Variants in CEP162 observed in about 807,000 individuals in gnomAD.
CEP162 encodes the protein centrosomal protein of 162 kDa.
CEP162 carries 141 observed loss-of-function variants against 169.2 expected under a neutral mutation model. That is an observed-to-expected ratio of 0.83 (90% CI 0.73 to 0.96). The LOEUF (loss-of-function observed/expected upper bound fraction) is 0.96, where lower values mean the gene tolerates loss of function less well. Among genes scored for constraint, CEP162 ranks in the 40% least tolerant of loss-of-function variants. CEP162 has a pLI of 0.00. For missense variants in CEP162, 1,600 were observed against 1,587.2 expected, an observed-to-expected ratio of 1.01 and a Z score of -0.14; for synonymous variants, 540 against 526.4, an observed-to-expected ratio of 1.03 and a Z score of -0.35.
intron 25 of CEP162, among the ~76,000 whole-genome samples, chr6:84,137,887 C>T (rs2099514833): frequency 6.6e-6 from 1 of 152,096 alleles, no homozygotes; most frequent in Admixed American, 6.5e-5. Flanking sequence ...GGTGCTGGAT[C>T]CTTAATAAGA....
intron 21 of CEP162, among the ~76,000 whole-genome samples, chr6:84,160,355 A>G (rs2099525266): frequency 6.6e-6 from 1 of 152,190 alleles, no homozygotes; most frequent in Admixed American, 6.5e-5. Context: ...ATGGTAAGAA[A>G]GAGCTCAAGA....
At chr6:84,132,749 C>CT (rs2099512153) in intron 25 of CEP162, among the ~76,000 whole-genome samples, 1 of 152,118 alleles carries the variant, frequency 6.6e-6, no homozygotes, top group African/African-American at 2.4e-5. Context: ...TTCGTCTACT[C>CT]TTTTTTCAAG....
Position 84,193,595 on chromosome 6 carries a change from T to A in CEP162, c.1109+14A>T. On this transcript the variant is annotated intron_variant, in intron 11 of 26. Coordinates refer to ENST00000403245, the MANE Select transcript of CEP162 (RefSeq NM_014895.4). ...AAGTTTCCAATGACAAAACAATAAA[T>A]AAAAAATTCATACCTGACAGGTTGT... The A allele has an allele frequency of 6.7e-7, 1 of 1,494,084 alleles. No homozygotes were observed. Among genetic ancestry groups the A allele is most frequent in the Non-Finnish European group, 9.1e-7 (1 of 1,101,614 alleles). 92.6% of individuals were successfully genotyped at this position (1,494,084 alleles called of 1,614,324 possible).
chr6:84,206,012 G>C (rs1363659390), intron 6 of CEP162, among the ~76,000 whole-genome samples: 2 of 148,538 alleles, frequency 1.3e-5, no homozygotes, highest in African/African-American at 2.6e-5. Context: ...CAACTTACAA[G>C]GGATGTGAAG....
chr6:84,178,960 T>G (rs541948035), intron 13 of CEP162, among the ~76,000 whole-genome samples: 27 of 152,326 alleles, frequency 1.8e-4, no homozygotes, highest in African/African-American at 6.3e-4. Context: ...GGTTTCCAGC[T>G]GCATCCATGT....
At chr6:84,179,979 C>T (rs533337411) in intron 13 of CEP162, among the ~76,000 whole-genome samples, 58 of 152,228 alleles carry the variant, frequency 3.8e-4, no homozygotes, top group African/African-American at 1.3e-3. Context: ...AGGGAATCTT[C>T]CCTAACTCAT....
At chr6:84,212,765 GA>G (rs950076996) in intron 6 of CEP162, among the ~76,000 whole-genome samples, 191 bp downstream of exon 6, 5 of 151,994 alleles carry the variant, frequency 3.3e-5, no homozygotes, top group Non-Finnish European at 5.9e-5. Flanking sequence ...TGCAGTCTAT[GA>G]AAAAAACCTT....
At chr6:84,174,215 AT>A in intron 15 of CEP162, 27 bp from the exon 16 acceptor site, 1 of 1,580,116 alleles carries the variant, frequency 6.3e-7, no homozygotes, top group Non-Finnish European at 8.6e-7. Flanking sequence ...AAATTGTTTT[AT>A]TTGGGGAAGG....
chr6:84,156,423 A>C (rs1355045364), intron 21 of CEP162, among the ~76,000 whole-genome samples: 2 of 152,202 alleles, frequency 1.3e-5, no homozygotes, highest in Non-Finnish European at 2.9e-5. Flanking sequence ...ACACGAACAC[A>C]CATTTTTCAA....
rs115475028 is a variant in CEP162, at chr6:84,165,050, A to G, written c.2386-1780T>C. Among the ~76,000 whole-genome samples, 1,436 of 151,432 alleles carry G rather than the reference A, an allele frequency of 9.5e-3. 25 individuals are homozygous for G. The highest frequency in any genetic ancestry group is 0.033 in the African/African-American group (1,347 of 41,228). ...TCCTTGCTGTGTTTTGAACACTCCT[A>G]CCTCAAGGGGTCTGCACTGTCTCTT... On this transcript the variant is annotated intron_variant, in intron 18 of 26. Coordinates refer to ENST00000403245, the MANE Select transcript of CEP162 (RefSeq NM_014895.4).
At chr6:84,227,071 G>A (rs2099556029) in intron 1 of CEP162, among the ~76,000 whole-genome samples, 1 of 152,118 alleles carries the variant, frequency 6.6e-6, no homozygotes, top group Admixed American at 6.5e-5. Flanking sequence ...TGAAGCGAGG[G>A]AAGACCGACA....
intron 8 of CEP162, among the ~76,000 whole-genome samples, 197 bp from the exon 9 acceptor site, chr6:84,201,102 C>A (rs1397211489): frequency 6.6e-6 from 1 of 152,130 alleles, no homozygotes. Flanking sequence ...CACGGTGAAA[C>A]CCCGTCTCTA....
In CEP162 at chr6:84,215,363, C is replaced by G. The variant is rs1451326323; in HGVS notation, c.422G>C (p.Gly141Ala). 10 of 1,606,200 alleles carry G rather than the reference C, an allele frequency of 6.2e-6. No individual in the cohort carries two copies. The highest frequency in any genetic ancestry group is 2.2e-5 in the East Asian group (1 of 44,680). The change falls in exon 5 of 27, where the codon GGC becomes GCC. Residue 141 changes from glycine (G) to alanine (A), a missense_variant. Physicochemically the swap from Gly to Ala is moderately conservative, Grantham distance 60. Transcript: ENST00000403245. Reference sequence around the variant, plus strand: ...CGAATAATCAATGGAAGATGTCAAGCCTTTCTCAAGCCTGGCAAAAAATTG... The same window carrying G: ...CGAATAATCAATGGAAGATGTCAAGGCTTTCTCAAGCCTGGCAAAAAATTG... Reference protein sequence around the residue: ...KEQFFARLEKGLTSSIDYSRL... With the variant: ...KEQFFARLEKALTSSIDYSRL...
intron 23 of CEP162, among the ~76,000 whole-genome samples, chr6:84,150,151 T>C (rs10943967): frequency 0.11 from 17,334 of 152,138 alleles, 2,668 homozygotes; most frequent in African/African-American, 0.36. Flanking sequence ...CCAGGGCTAG[T>C]TGCATATTGT....
intron 10 of CEP162, among the ~76,000 whole-genome samples, 157 bp downstream of exon 10, chr6:84,194,727 C>A (rs1462566593): frequency 6.6e-6 from 1 of 152,178 alleles, no homozygotes; most frequent in African/African-American, 2.4e-5. Context: ...GCTGGGATTA[C>A]AGGCATCAGC....
intron 25 of CEP162, among the ~76,000 whole-genome samples, chr6:84,127,457 T>C (rs2099509391): frequency 6.6e-6 from 1 of 152,088 alleles, no homozygotes; most frequent in Admixed American, 6.6e-5. Flanking sequence ...CAAAGAACTA[T>C]ACAGACTATA....
At chr6:84,219,390 A>C (rs977324995) in intron 3 of CEP162, among the ~76,000 whole-genome samples, 1 of 152,204 alleles carries the variant, frequency 6.6e-6, no homozygotes, top group Non-Finnish European at 1.5e-5. Context: ...CATTTAAAAA[A>C]ATTATTAATA....
chr6:84,178,074 T>G (rs1447227019), intron 13 of CEP162, among the ~76,000 whole-genome samples: 1 of 152,220 alleles, frequency 6.6e-6, no homozygotes, highest in African/African-American at 2.4e-5. Flanking sequence ...ATGTGAGACT[T>G]AGAATTTGTA....
chr6:84,134,626 G>A (rs969248925), intron 25 of CEP162, among the ~76,000 whole-genome samples: 10 of 152,092 alleles, frequency 6.6e-5, no homozygotes, highest in Non-Finnish European at 1.0e-4. Flanking sequence ...TGCACTTCCC[G>A]GATGAGGCAA....
Sources: allele counts gnomAD v4.1 joint callset (sites outside exome capture counted in the v4.1 genomes callset), GRCh38; gene constraint gnomAD v4.1.1; transcripts MANE v1.5; gene names NCBI Gene and HGNC (gene_info 2026-07-23, HGNC 2026-07-21).